The following PAPSS2 variants were observed in gnomAD, a reference collection of about 807,000 sequenced individuals.
PAPSS2 encodes the protein 3'-phosphoadenosine 5'-phosphosulfate synthase 2.
A neutral mutation model predicts 66.5 loss-of-function variants in PAPSS2; 61 were observed. That is an observed-to-expected ratio of 0.92 (90% CI 0.75 to 1.14). The LOEUF (loss-of-function observed/expected upper bound fraction) is 1.14, where lower values mean the gene tolerates loss of function less well. Ranked by LOEUF, PAPSS2 falls within the 50% of genes most tolerant of loss-of-function variation. The pLI is 0.00. For synonymous variants in PAPSS2, 289 were observed against 287.5 expected (o/e 1.01, Z -0.05); for missense variants, 708 against 789.6 (o/e 0.90, Z 1.24).
chr10:87,734,059 G>T (rs1853762409), intron 9 of PAPSS2, among the ~76,000 whole-genome samples: 1 of 151,862 alleles, frequency 6.6e-6, no homozygotes, highest in Non-Finnish European at 1.5e-5. Flanking sequence ...CCTCTCTCTT[G>T]TCTTACTCCC....
At chr10:87,701,507 G>A (rs1040677122) in intron 1 of PAPSS2, among the ~76,000 whole-genome samples, 10 of 150,534 alleles carry the variant, frequency 6.6e-5, no homozygotes, top group African/African-American at 2.4e-4. Context: ...CTGCACCCTT[G>A]ACCTCCTGGG....
At chr10:87,737,243 G>A (rs75690009) in intron 9 of PAPSS2, among the ~76,000 whole-genome samples, 3,904 of 152,134 alleles carry the variant, frequency 0.026, 70 homozygotes, top group Non-Finnish European at 0.044. Flanking sequence ...TCTTCTGCAG[G>A]TCTCCAGGTG....
chr10:87,737,600 T>A (rs998373056), intron 9 of PAPSS2, among the ~76,000 whole-genome samples: 1 of 152,058 alleles, frequency 6.6e-6, no homozygotes, highest in Admixed American at 6.6e-5. Context: ...AGTTGGAGGA[T>A]TGCTTGAGCC....
At chr10:87,740,761 C>G (rs893871530) in intron 9 of PAPSS2, among the ~76,000 whole-genome samples, 4 of 152,146 alleles carry the variant, frequency 2.6e-5, no homozygotes, top group African/African-American at 9.7e-5. Flanking sequence ...CAATGTATTA[C>G]TACAGATTAA....
At chr10:87,685,879 T>G (rs61227616) in intron 1 of PAPSS2, among the ~76,000 whole-genome samples, 3,801 of 152,222 alleles carry the variant, frequency 0.025, 139 homozygotes, top group African/African-American at 0.087. Context: ...TACTCTCAAA[T>G]TCTGCGGTTC....
chr10:87,727,615 G>C (rs1359098763), intron 9 of PAPSS2, 126 bp downstream of exon 9: 1 of 840,714 alleles, frequency 1.2e-6, no homozygotes, highest in East Asian at 2.7e-5. Context: ...GTATTTCTAA[G>C]GTAGTGTTTG....
At chr10:87,677,180 C>A (rs555627872) in intron 1 of PAPSS2, among the ~76,000 whole-genome samples, 1 of 152,058 alleles carries the variant, frequency 6.6e-6, no homozygotes, top group East Asian at 1.9e-4. Context: ...GGCAACAGAG[C>A]GAGACTCCAT....
At chr10:87,733,162 T>G (rs1348688770) in intron 9 of PAPSS2, among the ~76,000 whole-genome samples, 1 of 152,212 alleles carries the variant, frequency 6.6e-6, no homozygotes, top group Non-Finnish European at 1.5e-5. Context: ...TATTTCCATG[T>G]GGCACTGGGA....
chr10:87,743,332 T>A, intron 10 of PAPSS2, 41 bp from the exon 11 acceptor site: 1 of 1,602,654 alleles, frequency 6.2e-7, no homozygotes, highest in Non-Finnish European at 8.5e-7. Context: ...AATGACACCA[T>A]GTGTTTCTGT....
At position 87,711,362 on chromosome 10, in the gene PAPSS2, G is replaced by T. The variant is rs79979840; in HGVS notation, c.146-1713G>T. ...ATTAGTGTTACCTCAATGTATGAAAGTACGTGTGCCAACAATCTGGTTACA... is the reference window on the plus strand; with the variant it reads ...ATTAGTGTTACCTCAATGTATGAAATTACGTGTGCCAACAATCTGGTTACA... On this transcript the variant is annotated intron_variant, in intron 2 of 12. Transcript: ENST00000456849. Among the ~76,000 whole-genome samples, 502 of 152,350 alleles carry T rather than the reference G, an allele frequency of 3.3e-3. 8 individuals are homozygous for T. The East Asian group carries it at 0.038, about 12-fold the overall frequency.
chr10:87,711,763 T>A (rs1335889371), intron 2 of PAPSS2, among the ~76,000 whole-genome samples: 3 of 152,146 alleles, frequency 2.0e-5, no homozygotes, highest in African/African-American at 7.2e-5. Flanking sequence ...CAAATCCTCC[T>A]TCCTCTGTCT....
chr10:87,728,060 A>C (rs544307830), intron 9 of PAPSS2, among the ~76,000 whole-genome samples: 1 of 152,240 alleles, frequency 6.6e-6, no homozygotes, highest in African/African-American at 2.4e-5. Flanking sequence ...TTTAAGATTG[A>C]AAAAAATGTG....
chr10:87,680,556 C>T (rs1326095667), intron 1 of PAPSS2, among the ~76,000 whole-genome samples: 2 of 152,086 alleles, frequency 1.3e-5, no homozygotes, highest in Admixed American at 1.3e-4. Flanking sequence ...ACTTTGAATG[C>T]TCCCTGTTTT....
intron 1 of PAPSS2, among the ~76,000 whole-genome samples, chr10:87,674,464 C>T (rs777938261): frequency 2.6e-5 from 4 of 152,110 alleles, no homozygotes; most frequent in Non-Finnish European, 4.4e-5. Context: ...CTGCTCCCAG[C>T]AGTAATTTTT....
At chr10:87,716,349 A>G (rs887809340) in intron 7 of PAPSS2, among the ~76,000 whole-genome samples, 16 of 152,232 alleles carry the variant, frequency 1.1e-4, no homozygotes, top group African/African-American at 2.4e-5. Flanking sequence ...TTCATCCACT[A>G]CACTCTAACA....
chr10:87,734,666 T>C (rs12770720), intron 9 of PAPSS2, among the ~76,000 whole-genome samples: 7,419 of 40,572 alleles, frequency 0.18, 255 homozygotes, highest in Non-Finnish European at 0.22. Flanking sequence ...TGTGTGTGTA[T>C]ATATATATAT....
intron 1 of PAPSS2, among the ~76,000 whole-genome samples, chr10:87,684,022 A>G (rs941692392): frequency 3.3e-5 from 5 of 152,208 alleles, no homozygotes; most frequent in African/African-American, 1.2e-4. Context: ...CATTTACTCC[A>G]TACTAGAGAA....
intron 1 of PAPSS2, among the ~76,000 whole-genome samples, chr10:87,706,108 A>ATATATATATATGTGTGTGTGTGTGTG: frequency 1.5e-4 from 8 of 52,010 alleles, no homozygotes; most frequent in African/African-American, 3.0e-4. Context: ...ATATATATAT[A>ATATATATATATGTGTGTGTGTGTGTG]TGTGTGTGTG....
At chr10:87,702,106 T>C (rs1853326717) in intron 1 of PAPSS2, among the ~76,000 whole-genome samples, 1 of 152,240 alleles carries the variant, frequency 6.6e-6, no homozygotes, top group Non-Finnish European at 1.5e-5. Context: ...AAGCTACTCA[T>C]GTTAAGTAAT....
Sources: allele counts gnomAD v4.1 joint callset (sites outside exome capture counted in the v4.1 genomes callset), GRCh38; gene constraint gnomAD v4.1.1; transcripts MANE v1.5; gene names NCBI Gene and HGNC (gene_info 2026-07-23, HGNC 2026-07-21).